Variants in CCDC171 observed in about 807,000 individuals in gnomAD.
CCDC171 encodes the protein coiled-coil domain-containing protein 171.
CCDC171 carries 177 observed loss-of-function variants against 168.2 expected under a neutral mutation model. The ratio of observed to expected loss-of-function variants is 1.05; its 90% CI spans 0.93 to 1.19. CCDC171 has a LOEUF of 1.19. Ranked by LOEUF, CCDC171 falls within the 50% of genes most tolerant of loss-of-function variation. The probability of loss-of-function intolerance (pLI) is 0.00; values close to 1 mark genes in which losing one functional copy is unlikely to be tolerated. For synonymous variants in CCDC171, 687 were observed against 540.8 expected, an observed-to-expected ratio of 1.27 and a Z score of -3.75; for missense variants, 1,991 against 1,539.0, an observed-to-expected ratio of 1.29 and a Z score of -4.91.
At chr9:15,673,540 G>C (rs2049284584) in intron 9 of CCDC171, among the ~76,000 whole-genome samples, 1 of 152,150 alleles carries the variant, frequency 6.6e-6, no homozygotes, top group South Asian at 2.1e-4. Context: ...CTAGTTCATT[G>C]AGAGTTTTTA....
chr9:15,559,052 T>C (rs1235000727), intron 1 of CCDC171, among the ~76,000 whole-genome samples: 1 of 152,134 alleles, frequency 6.6e-6, no homozygotes, highest in Non-Finnish European at 1.5e-5. Context: ...TGTGAGTGAG[T>C]TTCTTAATCC....
intron 23 of CCDC171, among the ~76,000 whole-genome samples, chr9:15,857,415 A>G (rs1256619649): frequency 1.3e-5 from 2 of 151,854 alleles, no homozygotes; most frequent in Non-Finnish European, 2.9e-5. Flanking sequence ...AATATGGTGT[A>G]AGGTAGGCTC....
chr9:15,976,906 A>G (rs1231809774), downstream of CCDC171, among the ~76,000 whole-genome samples: 3 of 152,146 alleles, frequency 2.0e-5, no homozygotes, highest in African/African-American at 4.8e-5. Flanking sequence ...TTTAATTGAA[A>G]TGACTAAGTG....
At chr9:15,648,592 T>C (rs7851056) in intron 7 of CCDC171, among the ~76,000 whole-genome samples, 69,041 of 151,962 alleles carry the variant, frequency 0.45, 15,986 homozygotes, top group Non-Finnish European at 0.51. Context: ...CAAGCATTCT[T>C]ATACACCAAT....
At chr9:15,643,059 T>C (rs1403762460) in intron 7 of CCDC171, among the ~76,000 whole-genome samples, 1 of 151,736 alleles carries the variant, frequency 6.6e-6, no homozygotes, top group Non-Finnish European at 1.5e-5. Flanking sequence ...CTTTATTTGC[T>C]TTTTTTTTAA....
intron 25 of CCDC171, among the ~76,000 whole-genome samples, chr9:15,952,830 C>A (rs1198528706): frequency 6.6e-6 from 1 of 152,024 alleles, no homozygotes; most frequent in Non-Finnish European, 1.5e-5. Context: ...GATATGTTTC[C>A]ATTTCTTCAT....
Position 15,738,571 on chromosome 9 carries a change from T to C in CCDC171, c.2050-5702T>C, listed in dbSNP as rs112348682. On this transcript the variant is annotated intron_variant, in intron 16 of 25. Coordinates refer to ENST00000380701, the MANE Select transcript of CCDC171 (RefSeq NM_173550.4). ...CCATATGAAAGCGATGTTCCTTATG[T>C]TTGTTTTAAAAATACTGGCCTTTAA... Among the ~76,000 whole-genome samples the C allele has an allele frequency of 9.4e-3, 1,430 of 152,280 alleles. 6 individuals are homozygous for C. The highest frequency in any genetic ancestry group is 0.016 in the Non-Finnish European group (1,057 of 68,016).
At position 15,702,295 on chromosome 9, in the gene CCDC171, A is replaced by G. The variant is rs139736106; in HGVS notation, c.1318+6958A>G. Among the ~76,000 whole-genome samples, 392 of 152,206 alleles carry G rather than the reference A, an allele frequency of 2.6e-3. 1 individual carries two copies. The highest frequency in any genetic ancestry group is 3.5e-3 in the Non-Finnish European group (240 of 68,012). On this transcript the variant is annotated intron_variant, in intron 11 of 25. Coordinates refer to ENST00000380701, the MANE Select transcript of CCDC171 (RefSeq NM_173550.4). ...CCATTCAAAAATCCTGTGGCCCTTA[A>G]GAATTATGCTTTATCAACTCTGCCT...
At chr9:15,713,988 T>A (rs778199010) in intron 11 of CCDC171, among the ~76,000 whole-genome samples, 36 of 152,042 alleles carry the variant, frequency 2.4e-4, no homozygotes, top group Non-Finnish European at 4.1e-4. Flanking sequence ...GGGGGTAGAA[T>A]GAATAGCTTC....
At chr9:16,107,577 A>C in the CCDC171 span, among the ~76,000 whole-genome samples, 1 of 152,134 alleles carries the variant, frequency 6.6e-6, no homozygotes, top group Non-Finnish European at 1.5e-5. Flanking sequence ...ACATATATGC[A>C]TAAATATACC....
chr9:15,902,464 A>C (rs1821836034), intron 24 of CCDC171, among the ~76,000 whole-genome samples: 1 of 152,178 alleles, frequency 6.6e-6, no homozygotes, highest in Non-Finnish European at 1.5e-5. Context: ...TGTTTGATTG[A>C]TAGGTAGTAT....
intron 14 of CCDC171, among the ~76,000 whole-genome samples, chr9:15,727,013 TC>T (rs1444175169): frequency 6.6e-6 from 1 of 152,208 alleles, no homozygotes; most frequent in African/African-American, 2.4e-5. Flanking sequence ...TTATATGAAT[TC>T]TGCAGCATAG....
chr9:15,966,065 A>G (rs1830760799), intron 25 of CCDC171, among the ~76,000 whole-genome samples: 1 of 152,206 alleles, frequency 6.6e-6, no homozygotes, highest in African/African-American at 2.4e-5. Flanking sequence ...CTAGGGTACA[A>G]AGTCATGATT....
At chr9:15,695,657 G>A (rs544767963) in intron 11 of CCDC171, among the ~76,000 whole-genome samples, 2 of 152,136 alleles carry the variant, frequency 1.3e-5, no homozygotes, top group African/African-American at 4.8e-5. Context: ...GGGAACAGAT[G>A]TTTCGATCAA....
intron 16 of CCDC171, among the ~76,000 whole-genome samples, chr9:15,742,652 A>G (rs2054960312): frequency 6.6e-6 from 1 of 152,202 alleles, no homozygotes; most frequent in Non-Finnish European, 1.5e-5. Flanking sequence ...TCTGGGACAT[A>G]GTCCCATTGA....
At chr9:16,067,391 A>G in the CCDC171 span, among the ~76,000 whole-genome samples, 3,914 of 152,072 alleles carry the variant, frequency 0.026, 168 homozygotes, top group African/African-American at 0.088. Flanking sequence ...GGTCGCGAAA[A>G]TTGTCTCCCA....
intron 18 of CCDC171, among the ~76,000 whole-genome samples, chr9:15,775,911 A>G (rs2135362391): frequency 6.6e-6 from 1 of 152,332 alleles, no homozygotes; most frequent in South Asian, 2.1e-4. Context: ...TTAAGATGAA[A>G]AAAGACACAG....
rs145564306 is a variant in CCDC171 at position 15,716,881 on chromosome 9, C to A, written c.1319-4888C>A. 1.6e-4 allele frequency among the ~76,000 whole-genome samples: 25 copies of A among 152,266 alleles called. No individual in the cohort carries two copies. The East Asian group carries it at 4.6e-3, about 28-fold the overall frequency. ...TGCATTGGGGATTAAGTTTCCAACA[C>A]GTGAACTTTGGAGGACATATTCAAA... On this transcript the variant is annotated intron_variant, in intron 11 of 25. Coordinates refer to ENST00000380701, the MANE Select transcript of CCDC171 (RefSeq NM_173550.4).
chr9:15,886,009 C>G (rs534019244), intron 24 of CCDC171: 49 of 152,186 alleles, frequency 3.2e-4, no homozygotes, highest in African/African-American at 1.1e-3. Flanking sequence ...ATTCTTTTCC[C>G]TCTTATTTAA....
Sources: allele counts gnomAD v4.1 joint callset (sites outside exome capture counted in the v4.1 genomes callset), GRCh38; gene constraint gnomAD v4.1.1; transcripts MANE v1.5; gene names NCBI Gene and HGNC (gene_info 2026-07-23, HGNC 2026-07-21).